PLCH1: variants seen among roughly 807,000 people sequenced by gnomAD.
PLCH1 encodes 1-phosphatidylinositol 4,5-bisphosphate phosphodiesterase eta-1.
PLCH1 carries 60 observed loss-of-function variants against 126.7 expected under a neutral mutation model. That is an observed-to-expected ratio of 0.47 (90% CI 0.38 to 0.59). PLCH1 has a LOEUF of 0.59. PLCH1 is among the 20% of genes least tolerant of loss of function. PLCH1 has a pLI of 0.00. For missense variants in PLCH1, 1,723 were observed against 2,040.0 expected, an observed-to-expected ratio of 0.84 and a Z score of 2.99; for synonymous variants, 719 against 734.9, an observed-to-expected ratio of 0.98 and a Z score of 0.35.
chr3:155,650,714 A>T (rs1167561565), intron 2 of PLCH1, among the ~76,000 whole-genome samples: 3 of 152,250 alleles, frequency 2.0e-5, no homozygotes, highest in Non-Finnish European at 4.4e-5. Context: ...TACAGGATAT[A>T]GACTATGTGT....
chr3:155,497,526 G>A (rs1717229753), intron 14 of PLCH1, 109 bp from the exon 15 acceptor site: 1 of 764,782 alleles, frequency 1.3e-6, no homozygotes, highest in Non-Finnish European at 2.2e-6. Flanking sequence ...GGGAATACCT[G>A]CCCCAGGTCC....
At chr3:155,721,450 T>C (rs1347287473) in intron 1 of PLCH1, among the ~76,000 whole-genome samples, 4 of 152,210 alleles carry the variant, frequency 2.6e-5, no homozygotes, top group Admixed American at 2.0e-4. Context: ...GGTATATTCC[T>C]AAATTGGTTT....
chr3:155,560,246 T>C (rs898289750), intron 8 of PLCH1, among the ~76,000 whole-genome samples: 1 of 152,200 alleles, frequency 6.6e-6, no homozygotes, highest in Non-Finnish European at 1.5e-5. Context: ...TAGGCAACCA[T>C]CAGTGTGAAT....
At chr3:155,632,649 TA>T (rs902026195) in intron 2 of PLCH1, among the ~76,000 whole-genome samples, 59 of 151,874 alleles carry the variant, frequency 3.9e-4, no homozygotes, top group African/African-American at 1.3e-3. Flanking sequence ...ATCTTGCAAA[TA>T]AAAAAAACAG....
intron 2 of PLCH1, among the ~76,000 whole-genome samples, chr3:155,656,861 T>G (rs1741438627): frequency 6.6e-6 from 1 of 152,144 alleles, no homozygotes; most frequent in Non-Finnish European, 1.5e-5. Context: ...ATTATAACTA[T>G]TTTTAGGTTA....
At chr3:155,709,236 C>T (rs988661830) in intron 1 of PLCH1, among the ~76,000 whole-genome samples, 1 of 152,142 alleles carries the variant, frequency 6.6e-6, no homozygotes, top group Non-Finnish European at 1.5e-5. Flanking sequence ...ACAGATCCTG[C>T]AAACATCCAT....
At chr3:155,669,398 C>G (rs1460360195) in intron 2 of PLCH1, among the ~76,000 whole-genome samples, 1 of 152,056 alleles carries the variant, frequency 6.6e-6, no homozygotes, top group African/African-American at 2.4e-5. Context: ...GGGCAACATA[C>G]TGAGACCCCA....
intron 11 of PLCH1, among the ~76,000 whole-genome samples, chr3:155,519,293 A>AGCTGGGG: frequency 6.6e-6 from 1 of 152,280 alleles, no homozygotes; most frequent in Admixed American, 6.5e-5. Context: ...AGGACGCTGC[A>AGCTGGGG]GCTGGGGGCT....
intron 21 of PLCH1, among the ~76,000 whole-genome samples, chr3:155,454,007 A>G (rs1712377816): frequency 6.6e-6 from 1 of 152,146 alleles, no homozygotes; most frequent in Non-Finnish European, 1.5e-5. Flanking sequence ...GTGGTTATAC[A>G]ATAATTAAAT....
chr3:155,511,393 G>T (rs1719466556), intron 12 of PLCH1, among the ~76,000 whole-genome samples: 1 of 115,624 alleles, frequency 8.6e-6, no homozygotes, highest in South Asian at 2.6e-4. Context: ...TTCCGTTGCT[G>T]GTGAGGAACT....
In PLCH1 at chr3:155,482,087, C is replaced by T; in HGVS notation, c.3939G>A (p.Lys1313=). 6.2e-7 allele frequency: 1 copy of T among 1,614,164 alleles called. No homozygotes were observed. Among genetic ancestry groups the T allele is most frequent in the Non-Finnish European group, 8.5e-7 (1 of 1,180,028 alleles). Residue 1313 remains lysine, a synonymous_variant, in exon 23 of 23, where the codon AAG becomes AAA. Coordinates refer to ENST00000460012, the MANE Select transcript of PLCH1 (RefSeq NM_014996.4). The part of the protein sequence containing the change: ...SRGWLPKSPT[K]GEDWETLKSC... The stretch of plus-strand genomic sequence containing the variant: ...TCTTCAGTGTTTCCCAGTCTTCTCC[C>T]TTGGTAGGACTTTTTGGTAACCAGC...
intron 11 of PLCH1, among the ~76,000 whole-genome samples, chr3:155,521,709 AC>A (rs1206063862): frequency 6.6e-6 from 1 of 152,242 alleles, no homozygotes; most frequent in African/African-American, 2.4e-5. Context: ...TGGTCTGATT[AC>A]AAGATAATAC....
In PLCH1 at chr3:155,494,353, C is replaced by T. The variant is rs753532293; in HGVS notation, c.2059G>A (p.Ala687Thr). Residue 687 changes from alanine (A) to threonine (T), a missense_variant, in exon 16 of 23, where the codon GCA becomes ACA. Transcript: ENST00000460012. ...GAATACACACCTAGCTGGCAGCCTG[C>T]GTTCCAGTAGGGGAGAGGGTTGAAG... ...SNFNPLPYWN[A>T]GCQLVALNYQ... 3.7e-6 allele frequency: 6 copies of T among 1,614,060 alleles called. No homozygotes were observed. The highest frequency in any genetic ancestry group is 3.3e-5 in the Admixed American group (2 of 60,016).
intron 2 of PLCH1, among the ~76,000 whole-genome samples, chr3:155,683,022 C>T (rs1279220590): frequency 6.6e-6 from 1 of 152,216 alleles, no homozygotes; most frequent in African/African-American, 2.4e-5. Flanking sequence ...CTATAGATCA[C>T]ACACACTTGT....
chr3:155,715,717 A>T (rs1747453737), intron 1 of PLCH1, among the ~76,000 whole-genome samples: 1 of 148,870 alleles, frequency 6.7e-6, no homozygotes, highest in Admixed American at 6.8e-5. Flanking sequence ...GGATTAAGGG[A>T]TCCTCATGCC....
chr3:155,595,839 T>C (rs1732909461), intron 3 of PLCH1, among the ~76,000 whole-genome samples: 1 of 152,160 alleles, frequency 6.6e-6, no homozygotes, highest in Non-Finnish European at 1.5e-5. Context: ...TAAATTTAAA[T>C]GGTGTTGTTA....
At chr3:155,717,823 T>G (rs1747642330) in intron 1 of PLCH1, among the ~76,000 whole-genome samples, 1 of 152,216 alleles carries the variant, frequency 6.6e-6, no homozygotes, top group Non-Finnish European at 1.5e-5. Context: ...CTTGGCTCCC[T>G]TTCAGTTATG....
At chr3:155,563,606 C>G (rs981363722) in intron 8 of PLCH1, among the ~76,000 whole-genome samples, 1 of 151,232 alleles carries the variant, frequency 6.6e-6, no homozygotes, top group Admixed American at 6.6e-5. Flanking sequence ...AGTTTCACCT[C>G]CCTTCTCCCT....
chr3:155,606,406 C>T (rs1156628281), intron 2 of PLCH1, among the ~76,000 whole-genome samples: 2 of 152,194 alleles, frequency 1.3e-5, no homozygotes, highest in African/African-American at 4.8e-5. Flanking sequence ...TTTTGCATTG[C>T]ATCACTTGAT....
Sources: gnomAD v4.1 joint callset for allele counts (sites outside exome capture counted in the v4.1 genomes callset) on GRCh38, gnomAD v4.1.1 for gene constraint, MANE v1.5 for transcripts, NCBI Gene and HGNC (gene_info 2026-07-23, HGNC 2026-07-21) for gene names.